CABCOCO1: variants seen among roughly 807,000 people sequenced by gnomAD.
CABCOCO1 encodes ciliary associated calcium binding coiled-coil 1.
CABCOCO1 carries 28 observed loss-of-function variants against 35.7 expected under a neutral mutation model. That is an observed-to-expected ratio of 0.78 (90% confidence interval 0.58 to 1.07). The LOEUF (loss-of-function observed/expected upper bound fraction) is 1.07, where lower values mean the gene tolerates loss of function less well. Ranked by LOEUF, CABCOCO1 falls within the 50% of genes least tolerant of loss-of-function variation. The pLI is 0.00. For synonymous variants in CABCOCO1, 95 were observed against 100.1 expected (o/e 0.95, Z 0.30); for missense variants, 326 against 309.2 (o/e 1.05, Z -0.41).
At chr10:61,717,186 G>A (rs1259047119) in intron 5 of CABCOCO1, among the ~76,000 whole-genome samples, 1 of 152,062 alleles carries the variant, frequency 6.6e-6, no homozygotes, top group Admixed American at 6.6e-5. Flanking sequence ...GACCTGAAGA[G>A]CTCCAAAACA....
At chr10:61,713,250 T>C (rs911850578) in intron 5 of CABCOCO1, among the ~76,000 whole-genome samples, 1 of 152,208 alleles carries the variant, frequency 6.6e-6, no homozygotes, top group Non-Finnish European at 1.5e-5. Flanking sequence ...TCCTAGGTAT[T>C]TTATCCTCTT....
intron 5 of CABCOCO1, among the ~76,000 whole-genome samples, chr10:61,727,911 T>C (rs964938219): frequency 6.6e-6 from 1 of 152,220 alleles, no homozygotes; most frequent in African/African-American, 2.4e-5. Context: ...TAAGTCACAG[T>C]ATAATTATGG....
At chr10:61,762,446 T>C (rs1842027012) in intron 7 of CABCOCO1, among the ~76,000 whole-genome samples, 1 of 152,112 alleles carries the variant, frequency 6.6e-6, no homozygotes, top group African/African-American at 2.4e-5. Context: ...ATGGAGAGGA[T>C]GTGGACCAGA....
At position 61,749,981 on chromosome 10, in the gene CABCOCO1, T is replaced by TC. The variant is rs1841745895; in HGVS notation, c.553-10078_553-10077insC. Among the ~76,000 whole-genome samples the TC allele has an allele frequency of 2.0e-5, 3 of 151,620 alleles. No individual in the cohort carries two copies. The South Asian group carries it at 6.3e-4, about 32-fold the overall frequency. On this transcript the variant is annotated intron_variant, in intron 5 of 7. Transcript: ENST00000648843. ...ATAAATGAGAGCTGCTTTTTTTTTT[T>TC]TTCATCATCACAGTTTATATTCCCA... is the stretch of plus-strand genomic sequence containing the variant.
At chr10:61,703,105 C>T (rs1023677446) in intron 5 of CABCOCO1, among the ~76,000 whole-genome samples, 10 of 151,970 alleles carry the variant, frequency 6.6e-5, no homozygotes, top group African/African-American at 2.4e-4. Flanking sequence ...TTCATAGCTC[C>T]CAGAGCACTG....
intron 5 of CABCOCO1, among the ~76,000 whole-genome samples, chr10:61,751,601 A>G (rs1841788371): frequency 6.6e-6 from 1 of 152,168 alleles, no homozygotes; most frequent in African/African-American, 2.4e-5. Flanking sequence ...GATTCCAGTA[A>G]GCACTAAATG....
At chr10:61,691,658 A>G (rs1840146398) in intron 5 of CABCOCO1, among the ~76,000 whole-genome samples, 1 of 149,866 alleles carries the variant, frequency 6.7e-6, no homozygotes, top group Non-Finnish European at 1.5e-5. Flanking sequence ...CCCACTCCCC[A>G]ACAGGCCCCA....
chr10:61,665,667 C>T (rs1451784319), intron 1 of CABCOCO1, among the ~76,000 whole-genome samples: 1 of 151,910 alleles, frequency 6.6e-6, no homozygotes, highest in Non-Finnish European at 1.5e-5. Context: ...GCGGGCGGAT[C>T]ACGAGGTCAG....
chr10:61,693,198 A>C (rs16916504), intron 5 of CABCOCO1, among the ~76,000 whole-genome samples: 1 of 152,024 alleles, frequency 6.6e-6, no homozygotes, highest in South Asian at 2.1e-4. Flanking sequence ...CTGGGGCTTC[A>C]AGAATTAGGC....
At chr10:61,744,054 G>C (rs757176474) in intron 5 of CABCOCO1, among the ~76,000 whole-genome samples, 2 of 152,110 alleles carry the variant, frequency 1.3e-5, no homozygotes, top group Admixed American at 1.3e-4. Flanking sequence ...CCATGACCTA[G>C]TACCGTACTT....
At chr10:61,663,824 T>C (rs1230572519) in intron 1 of CABCOCO1, among the ~76,000 whole-genome samples, 1 of 151,500 alleles carries the variant, frequency 6.6e-6, no homozygotes, top group East Asian at 1.9e-4. Flanking sequence ...CCAGATATTA[T>C]AAAAAAAAAA....
At chr10:61,749,199 G>A (rs1346744762) in intron 5 of CABCOCO1, among the ~76,000 whole-genome samples, 1 of 152,132 alleles carries the variant, frequency 6.6e-6, no homozygotes, top group Non-Finnish European at 1.5e-5. Flanking sequence ...TAAAAATATG[G>A]AAATGGATTT....
At chr10:61,697,455 T>C (rs1840326036) in intron 5 of CABCOCO1, among the ~76,000 whole-genome samples, 1 of 152,042 alleles carries the variant, frequency 6.6e-6, no homozygotes. Context: ...ATATGAATAG[T>C]GTTCCCATTT....
chr10:61,673,195 A>C (rs1839411569), intron 2 of CABCOCO1, among the ~76,000 whole-genome samples: 1 of 152,226 alleles, frequency 6.6e-6, no homozygotes, highest in South Asian at 2.1e-4. Context: ...TGCTATACTA[A>C]GTACTCTGAT....
chr10:61,761,481 C>T (rs1182280142), intron 7 of CABCOCO1, among the ~76,000 whole-genome samples: 1 of 152,012 alleles, frequency 6.6e-6, no homozygotes, highest in Non-Finnish European at 1.5e-5. Context: ...ATTACATGAA[C>T]ATGGTGATGG....
At chr10:61,686,441 A>G (rs1344994213) in intron 4 of CABCOCO1, among the ~76,000 whole-genome samples, 1 of 152,198 alleles carries the variant, frequency 6.6e-6, no homozygotes, top group Non-Finnish European at 1.5e-5. Context: ...CGTTTGATAA[A>G]TATAATTTTA....
At chr10:61,713,185 G>A (rs1589136131) in intron 5 of CABCOCO1, among the ~76,000 whole-genome samples, 1 of 152,104 alleles carries the variant, frequency 6.6e-6, no homozygotes, top group African/African-American at 2.4e-5. Context: ...ATTTTGTTGA[G>A]CAGTGGTTTG....
rs572084155 is a variant in CABCOCO1, at chr10:61,683,401, A to AC, written c.334+2089_334+2090insC. 2.3e-3 allele frequency among the ~76,000 whole-genome samples: 352 copies of AC among 152,194 alleles called. 1 individual carries two copies. Among genetic ancestry groups the AC allele is most frequent in the African/African-American group, 8.1e-3 (337 of 41,516 alleles). ...ATGGAGAAACCCCATATCTAAAAAA[A>AC]AATTGAAAAATTAACTGGGTATGGT... On this transcript the variant is annotated intron_variant, in intron 3 of 7. Coordinates refer to ENST00000648843, the MANE Select transcript of CABCOCO1 (RefSeq NM_001366906.2).
At chr10:61,727,268 A>G (rs1156277736) in intron 5 of CABCOCO1, among the ~76,000 whole-genome samples, 1 of 152,182 alleles carries the variant, frequency 6.6e-6, no homozygotes, top group South Asian at 2.1e-4. Context: ...CATAATCTCT[A>G]TACCTACACT....
Sources: gnomAD v4.1 joint callset for allele counts (sites outside exome capture counted in the v4.1 genomes callset) on GRCh38, gnomAD v4.1.1 for gene constraint, MANE v1.5 for transcripts, NCBI Gene and HGNC (gene_info 2026-07-23, HGNC 2026-07-21) for gene names.